The following LIMCH1 variants were observed in gnomAD, a reference collection of about 807,000 sequenced individuals.
LIMCH1 encodes the protein LIM and calponin homology domains 1.
LIMCH1 carries 113 observed loss-of-function variants against 176.5 expected under a neutral mutation model. That is an observed-to-expected ratio of 0.64 (90% CI 0.55 to 0.75). The LOEUF is 0.75. LIMCH1 is among the 30% of genes least tolerant of loss of function. The pLI is 0.00. For synonymous variants in LIMCH1, 619 were observed against 645.9 expected (o/e 0.96, Z 0.63); for missense variants, 1,674 against 1,814.9 (o/e 0.92, Z 1.41).
intron 14 of LIMCH1, among the ~76,000 whole-genome samples, chr4:41,639,714 CTTT>C (rs896825062): frequency 6.6e-6 from 1 of 151,366 alleles, no homozygotes; most frequent in African/African-American, 2.4e-5. Flanking sequence ...TCAAGGCAAA[CTTT>C]TTTTTATTTG....
At chr4:41,510,130 G>A (rs1388575987) in intron 2 of LIMCH1, among the ~76,000 whole-genome samples, 6 of 150,858 alleles carry the variant, frequency 4.0e-5, no homozygotes, top group Non-Finnish European at 8.9e-5. Context: ...TTGTCACTTG[G>A]AACCACTTCC....
chr4:41,546,544 T>A (rs1476813930), intron 1 of LIMCH1, among the ~76,000 whole-genome samples: 1 of 152,088 alleles, frequency 6.6e-6, no homozygotes, highest in African/African-American at 2.4e-5. Context: ...TTTTCTCAAC[T>A]TTCTTCTTTT....
intron 8 of LIMCH1, 99 bp from the exon 9 acceptor site, chr4:41,629,393 C>T: frequency 7.2e-7 from 1 of 1,381,780 alleles, no homozygotes. Flanking sequence ...TTGTTCTGTC[C>T]TCAGCCTGTG....
chr4:41,680,149 G>A, intron 24 of LIMCH1, 51 bp downstream of exon 24: 1 of 1,228,050 alleles, frequency 8.1e-7, no homozygotes, highest in South Asian at 1.3e-5. Context: ...ATTCCTCAAA[G>A]TCTAGCAACA....
At chr4:41,407,077 G>T (rs1385907959) in intron 1 of LIMCH1, among the ~76,000 whole-genome samples, 2 of 152,038 alleles carry the variant, frequency 1.3e-5, no homozygotes, top group African/African-American at 4.8e-5. Flanking sequence ...TCATCCCTCT[G>T]CCTGGAGCAC....
intron 1 of LIMCH1, among the ~76,000 whole-genome samples, chr4:41,493,117 G>A (rs559258703): frequency 1.1e-3 from 160 of 151,876 alleles, no homozygotes; most frequent in Non-Finnish European, 1.7e-3. Context: ...ATAGTTGTTG[G>A]ATCCTGCTTT....
intron 2 of LIMCH1, among the ~76,000 whole-genome samples, chr4:41,518,467 C>T (rs1265958233): frequency 1.3e-5 from 2 of 152,170 alleles, no homozygotes; most frequent in East Asian, 3.9e-4. Flanking sequence ...GATTGAGAGA[C>T]TACCACATGC....
chr4:41,636,565 G>A (rs73810296), intron 13 of LIMCH1, among the ~76,000 whole-genome samples: 3,205 of 151,848 alleles, frequency 0.021, 123 homozygotes, highest in African/African-American at 0.073. Flanking sequence ...CGGAAACTGG[G>A]CTATTCTTTT....
chr4:41,519,616 G>A (rs900582382), intron 2 of LIMCH1, among the ~76,000 whole-genome samples: 5 of 152,096 alleles, frequency 3.3e-5, no homozygotes, highest in Non-Finnish European at 7.4e-5. Context: ...ATCTAAAGGT[G>A]GCCAGAGAAA....
At chr4:41,672,149 C>T (rs954366812) in intron 22 of LIMCH1, among the ~76,000 whole-genome samples, 4 of 152,096 alleles carry the variant, frequency 2.6e-5, no homozygotes, top group Admixed American at 6.5e-5. Flanking sequence ...GTAGGTGGAT[C>T]ACTTGAGGTC....
At position 41,698,429 on chromosome 4, in the gene LIMCH1, G is replaced by A. The variant is rs902962567; in HGVS notation, c.*1244G>A. On this transcript the variant is annotated 3_prime_UTR_variant, in exon 32 of 32. Coordinates refer to ENST00000503057, the MANE Select transcript of LIMCH1 (RefSeq NM_001330672.2). Reference sequence around the variant, plus strand: ...GTTTATTTTCTGCCCTGTGCGACGAGTTTCAGCTGGCCAAGAAAGGAGTCA... The same window carrying A: ...GTTTATTTTCTGCCCTGTGCGACGAATTTCAGCTGGCCAAGAAAGGAGTCA... The A allele has an allele frequency of 1.8e-4, 28 of 152,160 alleles. No individual in the cohort carries two copies. Among genetic ancestry groups the A allele is most frequent in the African/African-American group, 6.5e-4 (27 of 41,422 alleles). The allele number at this position is 152,160 out of a possible 1,614,324, so 9.4% of individuals were successfully genotyped here. A position where few individuals can be genotyped will look rare whatever the true frequency, so the allele number is the denominator to read the frequency against.
intron 10 of LIMCH1, 123 bp downstream of exon 10, chr4:41,631,600 C>A: frequency 2.5e-6 from 2 of 791,806 alleles, no homozygotes; most frequent in Non-Finnish European, 3.8e-6. Context: ...CTATGTATAG[C>A]AGAGAAGTAA....
chr4:41,430,289 G>C (rs1181356177), intron 1 of LIMCH1, among the ~76,000 whole-genome samples: 1 of 152,140 alleles, frequency 6.6e-6, no homozygotes, highest in Non-Finnish European at 1.5e-5. Context: ...TTGAGACAGA[G>C]TCTTGCTCTG....
intron 1 of LIMCH1, among the ~76,000 whole-genome samples, chr4:41,392,194 C>A (rs945537854): frequency 6.6e-6 from 1 of 152,252 alleles, no homozygotes; most frequent in South Asian, 2.1e-4. Context: ...TTAAAAAAAT[C>A]TCTGCCCTCC....
chr4:41,430,639 A>G (rs1367089977), intron 1 of LIMCH1, among the ~76,000 whole-genome samples: 5 of 152,226 alleles, frequency 3.3e-5, no homozygotes, highest in African/African-American at 9.6e-5. Context: ...AGTATGTTCC[A>G]AAAGTTACAA....
At chr4:41,589,191 A>T (rs763575345) in intron 1 of LIMCH1, among the ~76,000 whole-genome samples, 3 of 152,182 alleles carry the variant, frequency 2.0e-5, no homozygotes, top group Non-Finnish European at 2.9e-5. Context: ...AAAGAATGAG[A>T]ATCCTGGAAG....
chr4:41,643,452 G>A (rs1254991117), intron 14 of LIMCH1, among the ~76,000 whole-genome samples: 1 of 152,152 alleles, frequency 6.6e-6, no homozygotes, highest in Non-Finnish European at 1.5e-5. Flanking sequence ...TTGTCCCAAA[G>A]TGAGTCATTT....
chr4:41,403,207 G>T (rs548667969), intron 1 of LIMCH1, among the ~76,000 whole-genome samples: 1 of 152,166 alleles, frequency 6.6e-6, no homozygotes, highest in East Asian at 1.9e-4. Context: ...TTCTCCTGGG[G>T]GTGGTGGGGG....
chr4:41,589,372 C>G (rs1055792736), intron 1 of LIMCH1, among the ~76,000 whole-genome samples: 1 of 149,674 alleles, frequency 6.7e-6, no homozygotes, highest in Non-Finnish European at 1.5e-5. Flanking sequence ...GAAGCCGCAT[C>G]GGGGGTGGTG....
Sources: gnomAD v4.1 joint callset for allele counts (sites outside exome capture counted in the v4.1 genomes callset) on GRCh38, gnomAD v4.1.1 for gene constraint, MANE v1.5 for transcripts, NCBI Gene and HGNC (gene_info 2026-07-23, HGNC 2026-07-21) for gene names.